Variants in LARS1 observed in about 807,000 individuals in gnomAD.
The protein encoded by LARS1 is leucyl-tRNA synthetase 1.
In LARS1, 100 loss-of-function variants were observed where a neutral mutation model predicts 162.8. That is an observed-to-expected ratio of 0.61 (90% CI 0.52 to 0.73). The LOEUF is 0.73. LARS1 is among the 30% of genes least tolerant of loss of function. The pLI is 0.00. For missense variants in LARS1, 1,258 were observed against 1,408.9 expected (o/e 0.89, Z 1.71); for synonymous variants, 457 against 462.8 (o/e 0.99, Z 0.16).
chr5:146,174,305 C>T (rs1020023577), intron 2 of LARS1, among the ~76,000 whole-genome samples: 7 of 149,636 alleles, frequency 4.7e-5, no homozygotes, highest in African/African-American at 1.2e-4. Context: ...ATTAGCTGTG[C>T]GTGGTGGCGC....
chr5:146,131,470 C>G (rs892832731), intron 23 of LARS1: 1 of 150,956 alleles, frequency 6.6e-6, no homozygotes, highest in Non-Finnish European at 1.4e-5. Flanking sequence ...AATAGCCTAA[C>G]TAAGGTTGTA....
At chr5:146,126,176 G>A (rs1752032643) in intron 28 of LARS1, among the ~76,000 whole-genome samples, 1 of 152,028 alleles carries the variant, frequency 6.6e-6, no homozygotes, top group East Asian at 1.9e-4. Flanking sequence ...TTGAAAGAAG[G>A]GAAGGTAGAA....
intron 4 of LARS1, among the ~76,000 whole-genome samples, chr5:146,169,907 T>C (rs1040355494): frequency 2.0e-5 from 3 of 152,114 alleles, no homozygotes; most frequent in African/African-American, 7.2e-5. Flanking sequence ...CCTGGCAGGA[T>C]TAACTTAATT....
At chr5:146,125,542 G>A (rs1235922832) in intron 28 of LARS1, among the ~76,000 whole-genome samples, 1 of 151,836 alleles carries the variant, frequency 6.6e-6, no homozygotes. Flanking sequence ...AAGTGTGTTA[G>A]GTACACTATT....
chr5:146,134,272 T>C (rs1488028567), intron 22 of LARS1, among the ~76,000 whole-genome samples: 22 of 152,238 alleles, frequency 1.4e-4, no homozygotes, highest in Admixed American at 1.4e-3. Flanking sequence ...TAGCTTCTTT[T>C]TCTGATAGTG....
Position 146,135,632 on chromosome 5 carries a change from C to T in LARS1, c.2181G>A (p.Leu727=). ...CTGAAAATTTGTCAATAGCTTGGGT[C>T]AAAGTGAGGAAGTTGCCTGTGGATT... The part of the protein sequence containing the change: ...MSKSTGNFLT[L]TQAIDKFSAD... The change falls in exon 22 of 32, where the codon TTG becomes TTA. Residue 727 remains leucine (L), a synonymous_variant. Transcript: ENST00000394434. The T allele has an allele frequency of 6.2e-7, 1 of 1,603,342 alleles. No individual in the cohort carries two copies. The highest frequency in any genetic ancestry group is 8.5e-7 in the Non-Finnish European group (1 of 1,176,826).
Position 146,126,547 on chromosome 5 carries a change from TAAGAAAAG to T in LARS1, c.2881-10_2881-3del, listed in dbSNP as rs754060285. ...GTCAGGCAGTTTTCCGTTATTGGCC[TAAGAAAAG>T]GAAGGAGGGAGAGTAATGTAGAAAA... is the stretch of plus-strand genomic sequence containing the variant. On this transcript the variant is annotated splice_region_variant and splice_polypyrimidine_tract_variant and intron_variant, in intron 27 of 31. Transcript: ENST00000394434. 13 of 1,599,944 alleles carry T rather than the reference TAAGAAAAG, an allele frequency of 8.1e-6. No individual in the cohort carries two copies. The highest frequency in any genetic ancestry group is 1.1e-5 in the Non-Finnish European group (13 of 1,167,952).
Position 146,182,629 on chromosome 5 carries a change from G to A in LARS1, c.-136C>T. 1 of 1,200,838 alleles carries A rather than the reference G, an allele frequency of 8.3e-7. No homozygotes were observed. The highest frequency in any genetic ancestry group is 1.2e-6 in the Non-Finnish European group (1 of 815,798). The allele number at this position is 1,200,838 out of a possible 1,614,324, so 74.4% of individuals were successfully genotyped here. On this transcript the variant is annotated 5_prime_UTR_variant, in exon 1 of 32. Coordinates refer to ENST00000394434, the MANE Select transcript of LARS1 (RefSeq NM_020117.11). ...AAAGCACACGCTTCACACCTGCTGA[G>A]GCAATCATCCGGCTCCTTACTAACT...
At chr5:146,123,694 T>C (rs1581007690) in intron 29 of LARS1, among the ~76,000 whole-genome samples, 1 of 151,750 alleles carries the variant, frequency 6.6e-6, no homozygotes, top group Admixed American at 6.6e-5. Flanking sequence ...GAATATAAGG[T>C]CTCTTAAAAA....
In LARS1 at chr5:146,149,698, A is replaced by G. The variant is rs945168407; in HGVS notation, c.1427T>C (p.Ile476Thr). The G allele has an allele frequency of 1.9e-6, 3 of 1,606,528 alleles. No homozygotes were observed. Among genetic ancestry groups the G allele is most frequent in the African/African-American group, 2.7e-5 (2 of 74,774 alleles). ...TCCTTTAAATCCATCCACCAACATG[A>G]TCTAAAAGGATGAGAGGGGAGAAAA... ...KIYLKGFYEG[I>T]MLVDGFKGQK... is the part of the protein sequence containing the mutation. Residue 476 changes from isoleucine to threonine, a missense_variant and splice_region_variant, in exon 15 of 32, where the codon ATC (isoleucine) becomes ACC (threonine). Ile to Thr is a moderately conservative substitution (Grantham distance 89, BLOSUM62 -1). Transcript: ENST00000394434.
chr5:146,132,932 G>T lies in LARS1; in HGVS notation c.2362C>A (p.Pro788Thr). ...ACTCTATCATTGAAAGTGCTGGCAG[G>T]ACCACTTCTTAGGCTGTCCCAGTTG... ...VANWDSLRSG[P>T]ASTFNDRVFA... The change falls in exon 23 of 32, where the codon CCT (proline) becomes ACT (threonine). Residue 788 changes from proline (P) to threonine (T), a missense_variant. Physicochemically the swap from Pro to Thr is conservative, Grantham distance 38. Transcript: ENST00000394434. 1 of 1,613,976 alleles carries T rather than the reference G, an allele frequency of 6.2e-7. No individual in the cohort carries two copies.
At position 146,173,008 on chromosome 5, in the gene LARS1, G is replaced by C. The variant is rs141523821; in HGVS notation, c.126-234C>G. Among the ~76,000 whole-genome samples, 305 of 152,226 alleles carry C rather than the reference G, an allele frequency of 2.0e-3. 2 individuals are homozygous for C. Among genetic ancestry groups the C allele is most frequent in the African/African-American group, 6.9e-3 (286 of 41,538 alleles). ...TTGCTATTAAGAATTAAATAGCCTT[G>C]TAACAAATACTAGAGGTTTAATTTG... On this transcript the variant is annotated intron_variant, in intron 2 of 31. Transcript: ENST00000394434.
intron 31 of LARS1, 142 bp downstream of exon 31, chr5:146,120,229 T>C: frequency 1.1e-6 from 1 of 909,426 alleles, no homozygotes; most frequent in Admixed American, 2.5e-5. Flanking sequence ...AGAATAGTTT[T>C]CTTGATTCTG....
intron 10 of LARS1, among the ~76,000 whole-genome samples, chr5:146,156,922 G>A (rs1261388194): frequency 2.0e-5 from 3 of 152,004 alleles, no homozygotes; most frequent in African/African-American, 4.8e-5. Flanking sequence ...GATATTTACC[G>A]AGTTGAAACC....
intron 25 of LARS1, 117 bp downstream of exon 25, chr5:146,129,901 T>C (rs927720638): frequency 2.3e-5 from 24 of 1,030,534 alleles, no homozygotes; most frequent in Non-Finnish European, 3.1e-5. Flanking sequence ...GAATCCAGCA[T>C]TACTCTTGAA....
intron 8 of LARS1, among the ~76,000 whole-genome samples, chr5:146,158,053 T>A (rs1186388210): frequency 1.3e-5 from 2 of 152,124 alleles, no homozygotes; most frequent in African/African-American, 4.8e-5. Flanking sequence ...CCTAATTCCA[T>A]CCCAGGGCAT....
intron 31 of LARS1, among the ~76,000 whole-genome samples, chr5:146,115,377 A>C (rs1292364419): frequency 6.6e-6 from 1 of 152,058 alleles, no homozygotes; most frequent in Non-Finnish European, 1.5e-5. Context: ...ACTCTAAGAA[A>C]TGGCATTACC....
intron 5 of LARS1, among the ~76,000 whole-genome samples, chr5:146,166,000 A>G (rs1753988102): frequency 6.6e-6 from 1 of 152,212 alleles, no homozygotes; most frequent in African/African-American, 2.4e-5. Flanking sequence ...ACATTCAAAT[A>G]CATAAAGAAA....
intron 15 of LARS1, among the ~76,000 whole-genome samples, chr5:146,146,435 C>T (rs1192029568): frequency 7.1e-6 from 1 of 141,106 alleles, no homozygotes; most frequent in Non-Finnish European, 1.5e-5. Context: ...AAGTGGGTAT[C>T]TGGGAAGTGG....
Sources: allele counts gnomAD v4.1 joint callset (sites outside exome capture counted in the v4.1 genomes callset), GRCh38; gene constraint gnomAD v4.1.1; transcripts MANE v1.5; gene names NCBI Gene and HGNC (gene_info 2026-07-23, HGNC 2026-07-21).